TNRC6A: variants seen among roughly 807,000 people sequenced by gnomAD.
TNRC6A encodes the protein trinucleotide repeat containing adaptor 6A, also known as trinucleotide repeat-containing gene 6A protein.
A neutral mutation model predicts 221.2 loss-of-function variants in TNRC6A; 44 were observed. That is an observed-to-expected ratio of 0.20 (90% CI 0.16 to 0.26). TNRC6A has a LOEUF of 0.26. TNRC6A is among the 10% of genes least tolerant of loss of function. The probability of loss-of-function intolerance (pLI) is 1.00; values close to 1 mark genes in which losing one functional copy is unlikely to be tolerated. For synonymous variants in TNRC6A, 847 were observed against 838.5 expected (o/e 1.01, Z -0.18); for missense variants, 2,199 against 2,404.4 (o/e 0.91, Z 1.79).
At chr16:24,663,964 G>GA (rs1185983635) in intron 2 of TNRC6A, 20 of 456,536 alleles carry the variant, frequency 4.4e-5, no homozygotes, top group Non-Finnish European at 7.9e-5. Context: ...CTTCCTCTGA[G>GA]ATGTGCAGGG....
At chr16:24,788,762 C>T (rs996626651) in intron 5 of TNRC6A, among the ~76,000 whole-genome samples, 6 of 152,006 alleles carry the variant, frequency 3.9e-5, no homozygotes, top group African/African-American at 1.4e-4. Context: ...CATTCTCCTG[C>T]CTCAGCCTCC....
intron 2 of TNRC6A, among the ~76,000 whole-genome samples, chr16:24,737,947 G>A (rs1028237215): frequency 2.0e-5 from 3 of 152,182 alleles, no homozygotes; most frequent in Non-Finnish European, 4.4e-5. Context: ...TATAACTGAT[G>A]TAAGAGAAAT....
At chr16:24,742,232 C>T (rs16973966) in intron 2 of TNRC6A, among the ~76,000 whole-genome samples, 5,010 of 152,188 alleles carry the variant, frequency 0.033, 284 homozygotes, top group African/African-American at 0.11. Flanking sequence ...CAGTTTGAGA[C>T]GTCTCATAAA....
intron 1 of TNRC6A, among the ~76,000 whole-genome samples, chr16:24,618,411 T>G (rs765861490): frequency 8.5e-5 from 13 of 152,154 alleles, no homozygotes; most frequent in Non-Finnish European, 1.5e-4. Context: ...TGGAATGACT[T>G]TAATCCCCAT....
intron 2 of TNRC6A, among the ~76,000 whole-genome samples, chr16:24,731,842 T>C (rs945030965): frequency 2.0e-5 from 3 of 152,248 alleles, no homozygotes; most frequent in African/African-American, 7.2e-5. Flanking sequence ...TGACCTTGAC[T>C]CTTGGCAAGT....
At chr16:24,821,334 G>A (rs1358008855) in intron 22 of TNRC6A, among the ~76,000 whole-genome samples, 1 of 152,170 alleles carries the variant, frequency 6.6e-6, no homozygotes, top group Non-Finnish European at 1.5e-5. Context: ...GTGCAGTTGA[G>A]TGGAATTAGG....
chr16:24,625,650 C>T (rs112765991), intron 1 of TNRC6A, among the ~76,000 whole-genome samples: 3 of 143,892 alleles, frequency 2.1e-5, no homozygotes, highest in Non-Finnish European at 4.5e-5. Context: ...GGCGTGAACC[C>T]GGGAGGCGGA....
At chr16:24,683,033 G>A (rs1416450908) in intron 2 of TNRC6A, among the ~76,000 whole-genome samples, 1 of 152,136 alleles carries the variant, frequency 6.6e-6, no homozygotes, top group African/African-American at 2.4e-5. Flanking sequence ...AGTTTTGGAG[G>A]CTCCAATGCC....
At chr16:24,709,596 G>C (rs990887853) in intron 2 of TNRC6A, among the ~76,000 whole-genome samples, 4 of 152,162 alleles carry the variant, frequency 2.6e-5, no homozygotes, top group Non-Finnish European at 5.9e-5. Context: ...GGCTGAGGTA[G>C]GTGGATCGCT....
intron 2 of TNRC6A, among the ~76,000 whole-genome samples, chr16:24,713,847 T>C (rs1282569507): frequency 2.0e-5 from 3 of 152,222 alleles, no homozygotes; most frequent in South Asian, 4.1e-4. Flanking sequence ...GGTTTCGCCA[T>C]GTTGGCCAGG....
chr16:24,695,461 G>A (rs35505234), intron 2 of TNRC6A, among the ~76,000 whole-genome samples: 38,279 of 151,820 alleles, frequency 0.25, 5,160 homozygotes, highest in South Asian at 0.48. Context: ...GTACAGTGGC[G>A]CAATCTTGGC....
chr16:24,821,479 T>C (rs1461642736), intron 22 of TNRC6A, among the ~76,000 whole-genome samples: 1 of 152,128 alleles, frequency 6.6e-6, no homozygotes, highest in African/African-American at 2.4e-5. Flanking sequence ...GAGAGGTGGA[T>C]AGGCCTGAGC....
intron 2 of TNRC6A, among the ~76,000 whole-genome samples, chr16:24,682,503 C>T (rs979338909): frequency 1.3e-5 from 2 of 151,400 alleles, no homozygotes; most frequent in African/African-American, 4.9e-5. Context: ...GCTGGGATGA[C>T]AGGCATGAGC....
At chr16:24,806,883 T>C in intron 17 of TNRC6A, 99 bp downstream of exon 17, 2 of 1,138,738 alleles carry the variant, frequency 1.8e-6, no homozygotes, top group Non-Finnish European at 2.6e-6. Flanking sequence ...TCATGAAAGC[T>C]ACATTGATCT....
chr16:24,804,253 A>G lies in TNRC6A; in HGVS notation c.3771A>G (p.Lys1257=), dbSNP rs763478204. The change falls in exon 12 of 25, where the codon AAA becomes AAG. Residue 1257 remains lysine, a synonymous_variant. Coordinates refer to ENST00000395799, the MANE Select transcript of TNRC6A (RefSeq NM_014494.4). ...GTGATTACAATCGAACGGTCGGGAA[A>G]GGCCCTGGTTCTCGGCCTCAGATTT... ...NIGDYNRTVG[K]GPGSRPQISK... 6.2e-7 allele frequency: 1 copy of G among 1,613,866 alleles called. No homozygotes were observed. Among genetic ancestry groups the G allele is most frequent in the Non-Finnish European group, 8.5e-7 (1 of 1,179,966 alleles).
intron 2 of TNRC6A, among the ~76,000 whole-genome samples, chr16:24,704,460 C>T (rs1282688184): frequency 6.6e-6 from 1 of 151,732 alleles, no homozygotes; most frequent in African/African-American, 2.4e-5. Context: ...GGGCAGATCA[C>T]CTGATGTCAG....
chr16:24,718,462 G>A (rs539016397), intron 2 of TNRC6A, among the ~76,000 whole-genome samples: 24 of 152,242 alleles, frequency 1.6e-4, no homozygotes, highest in African/African-American at 5.5e-4. Context: ...TAATAGGAGA[G>A]GACTTCCATT....
At chr16:24,688,954 A>G (rs1439403710) in intron 2 of TNRC6A, among the ~76,000 whole-genome samples, 1 of 152,110 alleles carries the variant, frequency 6.6e-6, no homozygotes, top group Non-Finnish European at 1.5e-5. Flanking sequence ...GTAACCCAGC[A>G]TTTTGGGAGG....
intron 5 of TNRC6A, 58 bp from the exon 6 acceptor site, chr16:24,789,174 G>A (rs1325450263): frequency 2.7e-6 from 4 of 1,461,604 alleles, no homozygotes; most frequent in Middle Eastern, 1.9e-4. Flanking sequence ...TTAGATTTTA[G>A]TATCATTTTG....
Sources: allele counts gnomAD v4.1 joint callset (sites outside exome capture counted in the v4.1 genomes callset), GRCh38; gene constraint gnomAD v4.1.1; transcripts MANE v1.5; gene names NCBI Gene and HGNC (gene_info 2026-07-23, HGNC 2026-07-21).